The following SRD5A1 variants were observed in gnomAD, a reference collection of about 807,000 sequenced individuals.
SRD5A1 encodes the protein steroid 5 alpha-reductase 1, also known as 3-oxo-5-alpha-steroid 4-dehydrogenase 1.
A neutral mutation model predicts 28.2 loss-of-function variants in SRD5A1; 22 were observed. That is an observed-to-expected ratio of 0.78 (90% CI 0.56 to 1.12). SRD5A1 has a LOEUF of 1.12. Ranked by LOEUF, SRD5A1 falls within the 50% of genes most tolerant of loss-of-function variation. The pLI, the probability that SRD5A1 is intolerant of heterozygous loss-of-function variation, is 0.00. For missense variants in SRD5A1, 300 were observed against 346.7 expected (o/e 0.87, Z 1.07); for synonymous variants, 151 against 135.0 (o/e 1.12, Z -0.82).
At chr5:6,646,856 T>C (rs1485244080) in intron 1 of SRD5A1, among the ~76,000 whole-genome samples, 1 of 152,216 alleles carries the variant, frequency 6.6e-6, no homozygotes, top group African/African-American at 2.4e-5. Flanking sequence ...CTAGTTCTTT[T>C]AATTGTGGGT....
At chr5:6,661,295 C>G (rs1312477364) in intron 3 of SRD5A1, among the ~76,000 whole-genome samples, 1 of 150,640 alleles carries the variant, frequency 6.6e-6, no homozygotes, top group Non-Finnish European at 1.5e-5. Context: ...AATCCCAGCA[C>G]TTTGGGAGGC....
chr5:6,646,664 C>A (rs759051234), intron 1 of SRD5A1, among the ~76,000 whole-genome samples: 1 of 152,038 alleles, frequency 6.6e-6, no homozygotes, highest in Non-Finnish European at 1.5e-5. Context: ...ATTCTTCTCT[C>A]TTTTCTTCTT....
intron 4 of SRD5A1, among the ~76,000 whole-genome samples, chr5:6,667,013 G>A (rs1739204269): frequency 6.6e-6 from 1 of 152,238 alleles, no homozygotes; most frequent in Non-Finnish European, 1.5e-5. Context: ...GGCCCATGGG[G>A]AAGCTCTTCA....
intron 4 of SRD5A1, among the ~76,000 whole-genome samples, chr5:6,667,792 A>T (rs1739230837): frequency 6.6e-6 from 1 of 152,196 alleles, no homozygotes; most frequent in African/African-American, 2.4e-5. Flanking sequence ...GGGCTAGGCC[A>T]GTAGTTCCCA....
At chr5:6,662,503 G>T (rs1739037382) in intron 3 of SRD5A1, among the ~76,000 whole-genome samples, 1 of 152,152 alleles carries the variant, frequency 6.6e-6, no homozygotes, top group Admixed American at 6.5e-5. Context: ...CATTTTACAT[G>T]GTTTACTCTG....
chr5:6,652,383 G>A (rs1344190377), intron 2 of SRD5A1, among the ~76,000 whole-genome samples: 5 of 152,216 alleles, frequency 3.3e-5, no homozygotes, highest in African/African-American at 1.2e-4. Context: ...CCCAGACTGG[G>A]TTAGCTTCCT....
rs779966553 is a variant in SRD5A1, at chr5:6,656,063, A to AT, written c.461-8dup. 1.2e-6 allele frequency: 2 copies of AT among 1,608,654 alleles called. No individual in the cohort carries two copies. The highest frequency in any genetic ancestry group is 1.7e-6 in the Non-Finnish European group (2 of 1,175,442). ...GTTTATTAGCCATAATCATCTTGCAATTTTTTTCCTTTAGGTTTTGGCTTG... is the reference window on the plus strand; with the variant it reads ...GTTTATTAGCCATAATCATCTTGCAATTTTTTTTCCTTTAGGTTTTGGCTTG... On this transcript the variant is annotated splice_polypyrimidine_tract_variant and intron_variant, in intron 2 of 4. Transcript: ENST00000274192.
At chr5:6,663,002 T>C in intron 4 of SRD5A1, 36 bp downstream of exon 4, 3 of 1,606,504 alleles carry the variant, frequency 1.9e-6, no homozygotes, top group Non-Finnish European at 2.6e-6. Flanking sequence ...TTGTAATTTG[T>C]TCTTTGACTA....
rs1053054538 is a variant in SRD5A1 at position 6,669,671 on chromosome 5, T to C, written c.*1403T>C. 5 of 152,232 alleles carry C rather than the reference T, an allele frequency of 3.3e-5. No individual in the cohort carries two copies. Among genetic ancestry groups the C allele is most frequent in the African/African-American group, 1.2e-4 (5 of 41,468 alleles). The allele number at this position is 152,232 out of a possible 1,614,324, so 9.4% of individuals were successfully genotyped here. A position where few individuals can be genotyped will look rare whatever the true frequency, so the allele number is the denominator to read the frequency against. On this transcript the variant is annotated 3_prime_UTR_variant, in exon 5 of 5. Coordinates refer to ENST00000274192, the MANE Select transcript of SRD5A1 (RefSeq NM_001047.4). Reference sequence around the variant, plus strand: ...TTCTTCTGTTTACTATCTACAGTGATTTGGAAAGGAGATTTCCTTTAAAAC... The same window carrying C: ...TTCTTCTGTTTACTATCTACAGTGACTTGGAAAGGAGATTTCCTTTAAAAC...
At chr5:6,666,186 C>A (rs761516053) in intron 4 of SRD5A1, among the ~76,000 whole-genome samples, 9 of 151,894 alleles carry the variant, frequency 5.9e-5, no homozygotes, top group Non-Finnish European at 1.3e-4. Flanking sequence ...CTCGCTCTGT[C>A]GCCCAGGCTG....
At chr5:6,663,236 C>T (rs1739066307) in intron 4 of SRD5A1, among the ~76,000 whole-genome samples, 1 of 152,210 alleles carries the variant, frequency 6.6e-6, no homozygotes, top group Non-Finnish European at 1.5e-5. Context: ...AGACACCAAG[C>T]AGGGGATTCA....
chr5:6,670,844 A>C lies in SRD5A1; in HGVS notation c.*2576A>C, dbSNP rs1284327235. On this transcript the variant is annotated 3_prime_UTR_variant, in exon 5 of 5. Transcript: ENST00000274192. The stretch of plus-strand genomic sequence containing the variant: ...CAACCAGATCATTGCAAATACTGCT[A>C]ATTGATTCCTTTTTATGGCTGAGTA... The C allele has an allele frequency of 6.6e-6, 1 of 152,182 alleles. No individual in the cohort carries two copies. The highest frequency in any genetic ancestry group is 1.5e-5 in the Non-Finnish European group (1 of 68,024). The allele number at this position is 152,182 out of a possible 1,614,324, so 9.4% of individuals were successfully genotyped here.
intron 1 of SRD5A1, among the ~76,000 whole-genome samples, chr5:6,637,523 A>G (rs1247909921): frequency 1.3e-5 from 2 of 152,128 alleles, no homozygotes; most frequent in Admixed American, 6.5e-5. Context: ...GCCTGACCTC[A>G]TGCTCTTTCT....
chr5:6,633,445 C>G lies in SRD5A1; in HGVS notation c.-132C>G. On this transcript the variant is annotated 5_prime_UTR_variant, in exon 1 of 5. Transcript: ENST00000274192. Reference sequence around the variant, plus strand: ...GAGAAGCCTGACTTGAGAACCCTTTCTGCAGAGTCCCGGCAGTGCGGGACT... The same window carrying G: ...GAGAAGCCTGACTTGAGAACCCTTTGTGCAGAGTCCCGGCAGTGCGGGACT... 1 of 1,089,536 alleles carries G rather than the reference C, an allele frequency of 9.2e-7. No individual in the cohort carries two copies. Among genetic ancestry groups the G allele is most frequent in the Non-Finnish European group, 1.2e-6 (1 of 813,050 alleles). The allele number at this position is 1,089,536 out of a possible 1,614,324, so 67.5% of individuals were successfully genotyped here. A position where few individuals can be genotyped will look rare whatever the true frequency, so the allele number is the denominator to read the frequency against.
chr5:6,650,411 GAAA>G (rs563990147), intron 1 of SRD5A1, among the ~76,000 whole-genome samples: 4 of 112,532 alleles, frequency 3.6e-5, no homozygotes, highest in Admixed American at 9.3e-5. Context: ...ACCCTGTCTT[GAAA>G]AAAAAAAAAA....
intron 1 of SRD5A1, among the ~76,000 whole-genome samples, chr5:6,640,373 G>A (rs906326650): frequency 2.0e-5 from 3 of 152,100 alleles, no homozygotes; most frequent in Non-Finnish European, 4.4e-5. Flanking sequence ...ACTGCAAATC[G>A]TCCTGGCCAT....
chr5:6,634,646 T>C (rs1194676403), intron 1 of SRD5A1, among the ~76,000 whole-genome samples: 2 of 152,264 alleles, frequency 1.3e-5, no homozygotes, highest in Non-Finnish European at 2.9e-5. Context: ...GTCCACCTTA[T>C]GCAAGGGACC....
intron 3 of SRD5A1, among the ~76,000 whole-genome samples, chr5:6,662,384 T>C (rs370989229): frequency 6.6e-6 from 1 of 152,372 alleles, no homozygotes; most frequent in East Asian, 1.9e-4. Flanking sequence ...GGGCAGGGCA[T>C]GGCCCATAAT....
At chr5:6,663,088 G>C (rs971839586) in intron 4 of SRD5A1, 122 bp downstream of exon 4, 2 of 1,259,082 alleles carry the variant, frequency 1.6e-6, no homozygotes. Context: ...TCTGTGCTTT[G>C]GCCAAACAAG....
Sources: gnomAD v4.1 joint callset for allele counts (sites outside exome capture counted in the v4.1 genomes callset) on GRCh38, gnomAD v4.1.1 for gene constraint, MANE v1.5 for transcripts, NCBI Gene and HGNC (gene_info 2026-07-23, HGNC 2026-07-21) for gene names.